Variants in BICC1 observed in about 807,000 individuals in gnomAD.
BICC1 encodes the protein protein bicaudal C homolog 1.
In BICC1, 43 loss-of-function variants were observed where a neutral mutation model predicts 111.0. The observed-to-expected ratio is 0.39, with a 90% confidence interval of 0.30 to 0.50. BICC1 has a LOEUF of 0.50. BICC1 is among the 20% of genes least tolerant of loss of function. The probability of loss-of-function intolerance (pLI) is 0.88; values close to 1 mark genes in which losing one functional copy is unlikely to be tolerated. For synonymous variants in BICC1, 467 were observed against 434.4 expected (o/e 1.07, Z -0.93); for missense variants, 1,091 against 1,203.2 (o/e 0.91, Z 1.38).
At position 58,787,174 on chromosome 10, in the gene BICC1, C is replaced by CA. The variant is rs576422494; in HGVS notation, c.546+103dup. The CA allele has an allele frequency of 8.6e-3, 8,559 of 993,730 alleles. 36 individuals are homozygous for CA. The highest frequency in any genetic ancestry group is 0.043 in the African/African-American group (2,473 of 56,940). 61.6% of individuals were successfully genotyped at this position (993,730 alleles called of 1,614,324 possible). ...TATCTTTTTTTTCTGAGAGGTGAGA[C>CA]AAAAAAAAAATCACATAGATGACAT... On this transcript the variant is annotated intron_variant, in intron 5 of 20. Transcript: ENST00000373886.
chr10:58,655,250 TTGA>T (rs1190750395), intron 2 of BICC1, among the ~76,000 whole-genome samples: 1 of 144,924 alleles, frequency 6.9e-6, no homozygotes, highest in Non-Finnish European at 1.5e-5. Flanking sequence ...GGGGATGGCA[TTGA>T]ATCTGTAAAT....
intron 3 of BICC1, among the ~76,000 whole-genome samples, chr10:58,738,997 G>C (rs1024307731): frequency 8.6e-4 from 131 of 151,830 alleles, no homozygotes; most frequent in Non-Finnish European, 1.4e-3. Context: ...GAGACAGTGG[G>C]GTTTTCTAGA....
intron 1 of BICC1, among the ~76,000 whole-genome samples, chr10:58,523,905 C>T (rs1696959766): frequency 6.6e-6 from 1 of 152,108 alleles, no homozygotes; most frequent in Admixed American, 6.6e-5. Flanking sequence ...TCTTATACAC[C>T]AATAACAGAC....
intron 9 of BICC1, 80 bp downstream of exon 9, chr10:58,793,695 T>A: frequency 6.9e-7 from 1 of 1,458,558 alleles, no homozygotes. Context: ...AAGTATTTAT[T>A]TGCATATACA....
chr10:58,541,172 C>G (rs1198893284), intron 1 of BICC1, among the ~76,000 whole-genome samples: 3 of 151,992 alleles, frequency 2.0e-5, no homozygotes, highest in Admixed American at 6.6e-5. Flanking sequence ...CTCACCACTT[C>G]TATTCAACAT....
intron 1 of BICC1, among the ~76,000 whole-genome samples, chr10:58,530,777 T>G (rs1214342116): frequency 1.3e-5 from 2 of 151,690 alleles, no homozygotes; most frequent in Admixed American, 1.3e-4. Context: ...AGAAACTTCC[T>G]TACTGTAAAT....
At chr10:58,804,173 T>A (rs1339974653) in intron 15 of BICC1, among the ~76,000 whole-genome samples, 1 of 151,578 alleles carries the variant, frequency 6.6e-6, no homozygotes, top group Non-Finnish European at 1.5e-5. Flanking sequence ...TTTCGATGAA[T>A]TTTTTTTTAA....
intron 3 of BICC1, among the ~76,000 whole-genome samples, chr10:58,737,743 G>A (rs1395637001): frequency 6.6e-6 from 1 of 152,082 alleles, no homozygotes; most frequent in Non-Finnish European, 1.5e-5. Context: ...ATCCTCCCCA[G>A]CACCTGTTGT....
intron 1 of BICC1, among the ~76,000 whole-genome samples, chr10:58,546,496 A>T (rs536366138): frequency 6.6e-6 from 1 of 152,306 alleles, no homozygotes; most frequent in African/African-American, 2.4e-5. Context: ...GGCCAAGTAA[A>T]ATACCACCTG....
chr10:58,796,521 G>A lies in BICC1; in HGVS notation c.1361G>A (p.Gly454Glu), dbSNP rs1843359258. The change falls in exon 10 of 21, where the codon GGA (glycine) becomes GAA (glutamate). Residue 454 changes from glycine to glutamate, a missense_variant. Coordinates refer to ENST00000373886, the MANE Select transcript of BICC1 (RefSeq NM_001080512.3). Reference sequence around the variant, plus strand: ...GCTTCAGCAGGCCTTGGACTCACTGGACTAGGTATACAATTTATTATTACA... The same window carrying A: ...GCTTCAGCAGGCCTTGGACTCACTGAACTAGGTATACAATTTATTATTACA... ...ILASAGLGLT[G>E]LGLLGPTTLS... The A allele has an allele frequency of 1.2e-6, 2 of 1,611,668 alleles. No homozygotes were observed.
chr10:58,760,812 C>T (rs1842292789), intron 3 of BICC1, among the ~76,000 whole-genome samples: 1 of 152,090 alleles, frequency 6.6e-6, no homozygotes, highest in Non-Finnish European at 1.5e-5. Context: ...GTAAATTGAA[C>T]CTCCAAGGGA....
chr10:58,542,354 T>C (rs1336907488), intron 1 of BICC1, among the ~76,000 whole-genome samples: 1 of 151,992 alleles, frequency 6.6e-6, no homozygotes, highest in Non-Finnish European at 1.5e-5. Context: ...TATAACCTTA[T>C]ACCAGATTAA....
At chr10:58,717,549 ACTT>A (rs1285735441) in intron 3 of BICC1, among the ~76,000 whole-genome samples, 1 of 152,156 alleles carries the variant, frequency 6.6e-6, no homozygotes, top group Non-Finnish European at 1.5e-5. Context: ...TAAGCAGAGA[ACTT>A]CTTCTATATA....
At chr10:58,599,035 C>A (rs549783664) in intron 1 of BICC1, among the ~76,000 whole-genome samples, 1 of 151,986 alleles carries the variant, frequency 6.6e-6, no homozygotes, top group Non-Finnish European at 1.5e-5. Context: ...AGAAATAACC[C>A]TTTTACACTG....
At chr10:58,724,098 C>G (rs1841023367) in intron 3 of BICC1, among the ~76,000 whole-genome samples, 1 of 152,152 alleles carries the variant, frequency 6.6e-6, no homozygotes, top group African/African-American at 2.4e-5. Context: ...TGGAAGAATG[C>G]CTTATGAAAC....
At chr10:58,761,717 T>C (rs992439804) in intron 3 of BICC1, among the ~76,000 whole-genome samples, 1 of 152,120 alleles carries the variant, frequency 6.6e-6, no homozygotes, top group Non-Finnish European at 1.5e-5. Context: ...GTAATTGGGC[T>C]CCTCTCCTGG....
In BICC1 at chr10:58,788,443, A is replaced by G. The variant is rs1456554210; in HGVS notation, c.600+20A>G. 1.3e-6 allele frequency: 2 copies of G among 1,565,896 alleles called. No homozygotes were observed. The highest frequency in any genetic ancestry group is 2.2e-5 in the East Asian group (1 of 44,550). Reference sequence around the variant, plus strand: ...ATTCGGGTAACTATTTATTACTTTAACATTGTAAATTGATGTCAGCAACAT... The same window carrying G: ...ATTCGGGTAACTATTTATTACTTTAGCATTGTAAATTGATGTCAGCAACAT... On this transcript the variant is annotated intron_variant, in intron 6 of 20. Transcript: ENST00000373886.
chr10:58,594,507 TCAGA>T (rs1187136575), intron 1 of BICC1, among the ~76,000 whole-genome samples: 2 of 152,114 alleles, frequency 1.3e-5, no homozygotes, highest in African/African-American at 4.8e-5. Flanking sequence ...GGGAAGCCCA[TCAGA>T]CTAACAGCGG....
chr10:58,816,902 AC>A (rs761930525), intron 18 of BICC1, among the ~76,000 whole-genome samples: 1 of 152,048 alleles, frequency 6.6e-6, no homozygotes, highest in Non-Finnish European at 1.5e-5. Context: ...CAGTTGCAGA[AC>A]CAAGGAAAAG....
Sources: gnomAD v4.1 joint callset for allele counts (sites outside exome capture counted in the v4.1 genomes callset) on GRCh38, gnomAD v4.1.1 for gene constraint, MANE v1.5 for transcripts, NCBI Gene and HGNC (gene_info 2026-07-23, HGNC 2026-07-21) for gene names.